Variants in ANKRD26 observed in about 807,000 individuals in gnomAD.
ANKRD26 encodes ankyrin repeat domain 26.
ANKRD26 carries 141 observed loss-of-function variants against 208.7 expected under a neutral mutation model. The observed-to-expected ratio is 0.68, with a 90% CI of 0.59 to 0.78. The LOEUF (loss-of-function observed/expected upper bound fraction) is 0.78, where lower values mean the gene tolerates loss of function less well. Ranked by LOEUF, ANKRD26 falls within the 30% of genes least tolerant of loss-of-function variation. The pLI is 0.00. For synonymous variants in ANKRD26, 636 were observed against 660.4 expected (o/e 0.96, Z 0.57); for missense variants, 1,889 against 1,938.7 (o/e 0.97, Z 0.48).
intron 4 of ANKRD26, among the ~76,000 whole-genome samples, chr10:27,090,772 A>G (rs2135713197): frequency 6.6e-6 from 1 of 152,302 alleles, no homozygotes; most frequent in Middle Eastern, 3.4e-3. Context: ...GGGGTCAGAT[A>G]AGAGCTATCT....
chr10:27,097,524 T>C (rs188132622), intron 1 of ANKRD26, among the ~76,000 whole-genome samples: 3 of 152,304 alleles, frequency 2.0e-5, no homozygotes, highest in East Asian at 1.9e-4. Flanking sequence ...CAGGTTATGA[T>C]TGATGAATAA....
chr10:27,022,022 C>T (rs2053506643), intron 29 of ANKRD26, among the ~76,000 whole-genome samples: 1 of 152,166 alleles, frequency 6.6e-6, no homozygotes, highest in Non-Finnish European at 1.5e-5. Flanking sequence ...ACTTCCTTTG[C>T]TCTGTAGAAG....
intron 16 of ANKRD26, among the ~76,000 whole-genome samples, chr10:27,050,613 C>T (rs1041771884): frequency 7.2e-5 from 11 of 152,094 alleles, no homozygotes; most frequent in African/African-American, 2.7e-4. Flanking sequence ...TATTTGTTAA[C>T]AATACTCAGG....
At position 27,093,670 on chromosome 10, in the gene ANKRD26, C is replaced by G. The variant is rs1389852606; in HGVS notation, c.357+15G>C. ...TCAAATCCATCTGATGCTGAAAGAGCTGGCTACTATATACCTTCATCAGAG... is the reference window on the plus strand; with the variant it reads ...TCAAATCCATCTGATGCTGAAAGAGGTGGCTACTATATACCTTCATCAGAG... On this transcript the variant is annotated intron_variant, in intron 2 of 33. Coordinates refer to ENST00000376087, the MANE Select transcript of ANKRD26 (RefSeq NM_014915.3). The G allele has an allele frequency of 6.2e-7, 1 of 1,609,132 alleles. No homozygotes were observed. Among genetic ancestry groups the G allele is most frequent in the Middle Eastern group, 1.7e-4 (1 of 6,048 alleles).
chr10:27,029,618 T>C (rs1013920184), intron 25 of ANKRD26, among the ~76,000 whole-genome samples: 3 of 152,196 alleles, frequency 2.0e-5, no homozygotes, highest in Admixed American at 1.3e-4. Context: ...AACATATTAC[T>C]CTTGTTTTCA....
rs766832288 is a variant in ANKRD26, at chr10:27,093,427, G to A, written c.453C>T (p.His151=). 6.2e-7 allele frequency: 1 copy of A among 1,614,160 alleles called. No homozygotes were observed. Among genetic ancestry groups the A allele is most frequent in the Admixed American group, 1.7e-5 (1 of 60,020 alleles). ...LADVHGNTAL[H]YAVYNEDISV... is the part of the protein sequence containing the mutation. ...ATATGTCCTCATTATAGACAGCATA[G>A]TGAAGAGCAGTGTTGCCATGGACAT... Residue 151 remains histidine, a synonymous_variant, in exon 3 of 34, where the codon CAC becomes CAT. Coordinates refer to ENST00000376087, the MANE Select transcript of ANKRD26 (RefSeq NM_014915.3).
At chr10:27,030,325 T>G in intron 25 of ANKRD26, 1 of 925,994 alleles carries the variant, frequency 1.1e-6, no homozygotes, top group Non-Finnish European at 1.3e-6. Flanking sequence ...ACTTTCTCTC[T>G]GCTTTACTCA....
intron 6 of ANKRD26, chr10:27,080,004 AG>A (rs1339459139): frequency 5.7e-6 from 2 of 351,342 alleles, no homozygotes; most frequent in South Asian, 2.1e-5. Flanking sequence ...AAAAATACAA[AG>A]AATTAGCTGG....
Position 27,034,889 on chromosome 10 carries a change from A to C in ANKRD26, c.3561T>G (p.Leu1187=). 3 of 1,613,766 alleles carry C rather than the reference A, an allele frequency of 1.9e-6. No individual in the cohort carries two copies. The highest frequency in any genetic ancestry group is 2.5e-6 in the Non-Finnish European group (3 of 1,179,892). Residue 1187 remains leucine (L), a synonymous_variant, in exon 24 of 34, where the codon CTT becomes CTG. Transcript: ENST00000376087. ...ACTCCTTATTTCTTTCTTCTAGCAG[A>C]AGACTTTGCTTTTCACTCTCAGCTT... is the stretch of plus-strand genomic sequence containing the variant. ...KLQAESEKQS[L]LLEERNKELI...
Position 27,038,058 on chromosome 10 carries a change from C to T in ANKRD26, c.2376-4G>A, listed in dbSNP as rs75445709. On this transcript the variant is annotated splice_region_variant and splice_polypyrimidine_tract_variant and intron_variant, in intron 21 of 33. Coordinates refer to ENST00000376087, the MANE Select transcript of ANKRD26 (RefSeq NM_014915.3). ...TTCTTCTTGGTTTAAGCTAAATCTG[C>T]AGTTAAATATGTTTATCTTAAAATC... The T allele has an allele frequency of 3.9e-3, 6,314 of 1,605,426 alleles. 225 individuals are homozygous for T. The African/African-American group carries it at 0.075, about 19-fold the overall frequency.
At chr10:26,975,935 G>A (rs1327046143) in exon 6 of ANKRD26, among the ~76,000 whole-genome samples, 1 of 151,940 alleles carries the variant, frequency 6.6e-6, no homozygotes, top group African/African-American at 2.4e-5. Context: ...CATTACGTAG[G>A]ATAAGATTAT....
chr10:26,981,383 G>A lies in ANKRD26; in HGVS notation c.*18-544C>T, dbSNP rs2052306381. Among the ~76,000 whole-genome samples the A allele has an allele frequency of 2.0e-5, 3 of 152,306 alleles. No individual in the cohort carries two copies. In the South Asian group the frequency reaches 6.2e-4, roughly 32 times the overall value. On this transcript the variant is annotated intron_variant and NMD_transcript_variant, in intron 4 of 5. Transcript: ENST00000674670. ...GCTGAAGAGGGCTGTGTGCAATACT[G>A]ATAACAGCAAGGTTGCAGTGAGCTA... is the stretch of plus-strand genomic sequence containing the variant.
chr10:26,995,033 CTGCA>C (rs1564338330), intron 5 of ANKRD26: 2 of 470,916 alleles, frequency 4.2e-6, no homozygotes, highest in Admixed American at 4.7e-5. Context: ...TCAGACCCAT[CTGCA>C]TACCAGTCTA....
chr10:26,994,927 G>C, intron 5 of ANKRD26: 1 of 376,140 alleles, frequency 2.7e-6, no homozygotes, highest in Non-Finnish European at 5.3e-6. Flanking sequence ...GGCTACTTCA[G>C]CTGATCTGCC....
chr10:27,042,038 A>G (rs1204022682), intron 20 of ANKRD26, among the ~76,000 whole-genome samples: 1 of 152,048 alleles, frequency 6.6e-6, no homozygotes, highest in African/African-American at 2.4e-5. Flanking sequence ...AGCAAAACAA[A>G]GAGTCATAGC....
intron 5 of ANKRD26, among the ~76,000 whole-genome samples, chr10:27,084,227 A>G (rs1648357591): frequency 6.9e-6 from 1 of 145,660 alleles, no homozygotes; most frequent in Non-Finnish European, 1.5e-5. Flanking sequence ...TCAAAAAAAA[A>G]AAAAAAAAGA....
intron 27 of ANKRD26, 62 bp from the exon 28 acceptor site, chr10:27,024,621 T>C (rs2053599664): frequency 2.2e-6 from 2 of 927,886 alleles, no homozygotes; most frequent in Non-Finnish European, 3.4e-6. Flanking sequence ...TTCTTAAAAC[T>C]ATTATTTCTT....
chr10:27,030,800 A>G lies in ANKRD26; in HGVS notation c.3808-1444T>C, dbSNP rs187276536. Among the ~76,000 whole-genome samples the G allele has an allele frequency of 2.9e-4, 44 of 152,324 alleles. 1 individual carries two copies. Among genetic ancestry groups the G allele is most frequent in the Admixed American group, 2.9e-3 (44 of 15,302 alleles). On this transcript the variant is annotated intron_variant, in intron 25 of 33. Transcript: ENST00000376087. ...AAAAATAGAATAAAAGCTTTATTAT[A>G]TCAATGTCTCAAAGAAGAAATTCTT...
intron 9 of ANKRD26, among the ~76,000 whole-genome samples, chr10:27,074,624 T>C (rs1396831306): frequency 6.6e-6 from 1 of 151,920 alleles, no homozygotes; most frequent in Non-Finnish European, 1.5e-5. Context: ...GAGGTTGCAG[T>C]GAGCTGAGAT....
Sources: allele counts gnomAD v4.1 joint callset (sites outside exome capture counted in the v4.1 genomes callset), GRCh38; gene constraint gnomAD v4.1.1; transcripts MANE v1.5; gene names NCBI Gene and HGNC (gene_info 2026-07-23, HGNC 2026-07-21).